The following CHST9 variants were observed in gnomAD, a reference collection of about 807,000 sequenced individuals.
The protein encoded by CHST9 is GalNAc-4-sulfotransferase 2.
In CHST9, 41 loss-of-function variants were observed where a neutral mutation model predicts 44.4. That is an observed-to-expected ratio of 0.92 (90% CI 0.72 to 1.20). The LOEUF is 1.20. CHST9 is among the 50% of genes most tolerant of loss of function. CHST9 has a pLI of 0.00. For synonymous variants in CHST9, 171 were observed against 178.4 expected, an observed-to-expected ratio of 0.96 and a Z score of 0.33; for missense variants, 504 against 516.5, an observed-to-expected ratio of 0.98 and a Z score of 0.23.
intron 5 of CHST9, chr18:26,936,759 GGAAAAAGATGA>G (rs2056000452): frequency 6.6e-6 from 1 of 152,002 alleles, no homozygotes; most frequent in Non-Finnish European, 1.5e-5. Flanking sequence ...ACAGAAAGGA[GGAAAAAGATGA>G]GAAAAAGATT....
intron 1 of CHST9, among the ~76,000 whole-genome samples, chr18:27,146,395 G>A (rs745533069): frequency 2.6e-5 from 4 of 152,162 alleles, no homozygotes; most frequent in South Asian, 2.1e-4. Flanking sequence ...CAACGTTGGC[G>A]TTAGGAAATG....
At chr18:26,998,739 C>CAAAAAAAAAAAAAAAAAAA (rs11480705) in intron 4 of CHST9, among the ~76,000 whole-genome samples, 1 of 114,118 alleles carries the variant, frequency 8.8e-6, no homozygotes, top group Non-Finnish European at 1.9e-5. Context: ...ACAACAACAA[C>CAAAAAAAAAAAAAAAAAAA]AAAAAAAAAA....
rs569423418 is a variant in CHST9 at position 26,915,072 on chromosome 18, C to A, written c.*1187G>T. ...AAGGGTGACACATGGACCTATTTTT[C>A]TAAGGACTTTGATTTAATATTTGAA... On this transcript the variant is annotated 3_prime_UTR_variant, in exon 6 of 6. Transcript: ENST00000618847. The A allele has an allele frequency of 2.5e-6, 1 of 396,988 alleles. No homozygotes were observed. 24.6% of individuals were successfully genotyped at this position (396,988 alleles called of 1,614,324 possible). A position where few individuals can be genotyped will look rare whatever the true frequency, so the allele number is the denominator to read the frequency against.
intron 2 of CHST9, among the ~76,000 whole-genome samples, chr18:27,077,815 C>T (rs773308975): frequency 5.9e-5 from 9 of 152,144 alleles, no homozygotes; most frequent in Non-Finnish European, 1.3e-4. Context: ...AAAGACATAA[C>T]CGAGACTGGG....
At chr18:27,129,056 G>C (rs1477326049) in intron 2 of CHST9, among the ~76,000 whole-genome samples, 1 of 152,192 alleles carries the variant, frequency 6.6e-6, no homozygotes, top group Non-Finnish European at 1.5e-5. Flanking sequence ...GAATCATGCA[G>C]TAAGAAATGA....
At chr18:27,017,524 A>G (rs1350535140) in intron 4 of CHST9, among the ~76,000 whole-genome samples, 2 of 152,218 alleles carry the variant, frequency 1.3e-5, no homozygotes, top group South Asian at 2.1e-4. Context: ...GATTCCATTT[A>G]TATTAAGTCC....
chr18:26,980,541 G>A (rs1318539724), intron 4 of CHST9, among the ~76,000 whole-genome samples: 1 of 152,114 alleles, frequency 6.6e-6, no homozygotes, highest in African/African-American at 2.4e-5. Flanking sequence ...TTCACACACT[G>A]GAGTCAGGAA....
At chr18:27,123,352 C>T (rs1312066795) in intron 2 of CHST9, among the ~76,000 whole-genome samples, 1 of 152,128 alleles carries the variant, frequency 6.6e-6, no homozygotes, top group Non-Finnish European at 1.5e-5. Context: ...CTGTAATACC[C>T]CCCAAATCTG....
intron 2 of CHST9, among the ~76,000 whole-genome samples, chr18:27,067,405 G>A (rs1384563091): frequency 6.7e-6 from 1 of 149,548 alleles, no homozygotes. Context: ...CTGCTGTCTG[G>A]CATTTTCATT....
chr18:26,924,265 G>C (rs966201745), intron 5 of CHST9, among the ~76,000 whole-genome samples: 1 of 152,116 alleles, frequency 6.6e-6, no homozygotes, highest in Non-Finnish European at 1.5e-5. Flanking sequence ...GCTCAGATTC[G>C]AAGCATAAGG....
At chr18:27,148,314 T>A (rs1461775862) in intron 1 of CHST9, among the ~76,000 whole-genome samples, 1 of 151,866 alleles carries the variant, frequency 6.6e-6, no homozygotes. Context: ...CATGCAGGTT[T>A]GTTACATATG....
chr18:27,053,218 G>GGAGGAAGAAGAAGAAGAAGAA (rs2057599246), intron 2 of CHST9, among the ~76,000 whole-genome samples: 3 of 32,324 alleles, frequency 9.3e-5, no homozygotes, highest in Non-Finnish European at 2.0e-4. Context: ...AGGAGGAAGA[G>GGAGGAAGAAGAAGAAGAAGAA]GAAGAAGAAG....
At chr18:27,130,003 A>G (rs1646084290) in intron 2 of CHST9, among the ~76,000 whole-genome samples, 1 of 152,154 alleles carries the variant, frequency 6.6e-6, no homozygotes, top group Non-Finnish European at 1.5e-5. Flanking sequence ...GAAGAAGGCA[A>G]AGGTGGAGGA....
chr18:27,083,132 T>C (rs193086661), intron 2 of CHST9, among the ~76,000 whole-genome samples: 8 of 152,254 alleles, frequency 5.3e-5, no homozygotes, highest in African/African-American at 1.7e-4. Context: ...AGTAGATAGA[T>C]GGATATAGAT....
At chr18:26,989,688 G>A (rs1391872708) in intron 4 of CHST9, among the ~76,000 whole-genome samples, 1 of 152,234 alleles carries the variant, frequency 6.6e-6, no homozygotes, top group African/African-American at 2.4e-5. Context: ...CATCGAGGCT[G>A]CGCCTGGTGG....
intron 1 of CHST9, among the ~76,000 whole-genome samples, chr18:27,174,976 A>G (rs2058857530): frequency 6.6e-6 from 1 of 152,066 alleles, no homozygotes. Flanking sequence ...TTAAATAAAA[A>G]CAGTGCTAAC....
At chr18:27,080,676 A>G (rs1027065132) in intron 2 of CHST9, among the ~76,000 whole-genome samples, 7 of 152,168 alleles carry the variant, frequency 4.6e-5, no homozygotes, top group African/African-American at 1.7e-4. Context: ...AGAGTGGAAA[A>G]GTGAGCCACA....
At position 26,909,807 on chromosome 18, in the gene CHST9, A is replaced by G. The variant is rs1167851132; in HGVS notation, c.*6452T>C. 1 of 152,608 alleles carries G rather than the reference A, an allele frequency of 6.6e-6. No individual in the cohort carries two copies. The highest frequency in any genetic ancestry group is 2.4e-5 in the African/African-American group (1 of 41,400). The allele number at this position is 152,608 out of a possible 1,614,324, so 9.5% of individuals were successfully genotyped here. ...AGGAGGAGGAGGAAGAGGAGGGAAGAGGAGGAGGAGGAGGTTGTCAGAGCA... is the reference window on the plus strand; with the variant it reads ...AGGAGGAGGAGGAAGAGGAGGGAAGGGGAGGAGGAGGAGGTTGTCAGAGCA... On this transcript the variant is annotated 3_prime_UTR_variant, in exon 6 of 6. Coordinates refer to ENST00000618847, the MANE Select transcript of CHST9 (RefSeq NM_031422.6).
At chr18:26,994,599 G>A (rs953700520) in intron 4 of CHST9, among the ~76,000 whole-genome samples, 1 of 151,924 alleles carries the variant, frequency 6.6e-6, no homozygotes, top group Non-Finnish European at 1.5e-5. Flanking sequence ...TTTTTGCGGG[G>A]CTGGGGGGTG....
Sources: gnomAD v4.1 joint callset for allele counts (sites outside exome capture counted in the v4.1 genomes callset) on GRCh38, gnomAD v4.1.1 for gene constraint, MANE v1.5 for transcripts, NCBI Gene and HGNC (gene_info 2026-07-23, HGNC 2026-07-21) for gene names.